Variants in TAFA4 observed in about 807,000 individuals in gnomAD.
TAFA4 encodes TAFA chemokine like family member 4, also known as chemokine-like protein TAFA-4.
Under a neutral mutation model 21.1 loss-of-function variants are expected in TAFA4, and 20 were observed. The ratio of observed to expected loss-of-function variants is 0.95; its 90% CI spans 0.67 to 1.38. The LOEUF (loss-of-function observed/expected upper bound fraction) is 1.38, where lower values mean the gene tolerates loss of function less well. TAFA4 is among the 40% of genes most tolerant of loss of function. The pLI, the probability that TAFA4 is intolerant of heterozygous loss-of-function variation, is 0.00. For missense variants in TAFA4, 211 were observed against 180.9 expected (o/e 1.17, Z -0.95); for synonymous variants, 71 against 67.4 (o/e 1.05, Z -0.26).
chr3:68,918,640 C>T (rs977305411), intron 1 of TAFA4, among the ~76,000 whole-genome samples: 19 of 152,206 alleles, frequency 1.2e-4, no homozygotes, highest in African/African-American at 4.3e-4. Flanking sequence ...TTGGTTCAAG[C>T]AATCCCCCCA....
At chr3:68,856,111 C>T (rs920631197) in intron 3 of TAFA4, among the ~76,000 whole-genome samples, 2 of 152,036 alleles carry the variant, frequency 1.3e-5, no homozygotes, top group African/African-American at 4.8e-5. Flanking sequence ...CACCCAGACT[C>T]CGTGGTGTAA....
intron 3 of TAFA4, among the ~76,000 whole-genome samples, chr3:68,798,499 T>TA (rs1240659245): frequency 1.3e-5 from 2 of 152,192 alleles, no homozygotes; most frequent in African/African-American, 4.8e-5. Flanking sequence ...ACTTAATTTT[T>TA]ATAAGAGGGA....
At chr3:68,840,499 G>A (rs1273942096) in intron 3 of TAFA4, among the ~76,000 whole-genome samples, 1 of 152,146 alleles carries the variant, frequency 6.6e-6, no homozygotes, top group Non-Finnish European at 1.5e-5. Context: ...CTGCAGGTGT[G>A]AGCCACAATG....
chr3:68,907,591 C>T lies in TAFA4; in HGVS notation c.-122-22281G>A, dbSNP rs115510409. On this transcript the variant is annotated intron_variant, in intron 1 of 5. Coordinates refer to ENST00000295569, the MANE Select transcript of TAFA4 (RefSeq NM_182522.5). ...CCTCCAGTCTGCATCTGTGTTCCCT[C>T]AAGATAGAGGAGATGCTTTCCATAC... Among the ~76,000 whole-genome samples, 303 of 152,306 alleles carry T rather than the reference C, an allele frequency of 2.0e-3. 1 individual carries two copies. The highest frequency in any genetic ancestry group is 7.0e-3 in the African/African-American group (293 of 41,570).
chr3:68,791,076 C>A (rs1240104308), intron 3 of TAFA4, among the ~76,000 whole-genome samples: 1 of 152,128 alleles, frequency 6.6e-6, no homozygotes, highest in Admixed American at 6.5e-5. Context: ...CCACCTGGTC[C>A]ACAAAAGGGA....
chr3:68,815,406 T>G (rs1703950984), intron 3 of TAFA4, among the ~76,000 whole-genome samples: 1 of 152,072 alleles, frequency 6.6e-6, no homozygotes, highest in Admixed American at 6.5e-5. Flanking sequence ...ATTTTTGCAA[T>G]CTACTCATCT....
chr3:68,815,098 C>A (rs188081587), intron 3 of TAFA4, among the ~76,000 whole-genome samples: 8 of 152,038 alleles, frequency 5.3e-5, no homozygotes, highest in Admixed American at 2.6e-4. Context: ...TGCTGGGAAA[C>A]CTGGCTAGCC....
chr3:68,835,980 C>T (rs555403907), intron 3 of TAFA4, among the ~76,000 whole-genome samples: 34 of 152,080 alleles, frequency 2.2e-4, no homozygotes, highest in Non-Finnish European at 3.7e-4. Flanking sequence ...AAGAACTGTG[C>T]GCAAATTACA....
intron 3 of TAFA4, among the ~76,000 whole-genome samples, chr3:68,871,255 A>G (rs903760907): frequency 5.3e-5 from 8 of 152,142 alleles, no homozygotes; most frequent in Admixed American, 2.6e-4. Context: ...ACACATGCAC[A>G]CGAATGTTTA....
chr3:68,763,108 A>G (rs1575599328), intron 3 of TAFA4, among the ~76,000 whole-genome samples: 1 of 152,316 alleles, frequency 6.6e-6, no homozygotes, highest in East Asian at 1.9e-4. Context: ...ATTAACTGAG[A>G]ATTTGGCAGA....
At chr3:68,790,072 T>G (rs1466032508) in intron 3 of TAFA4, among the ~76,000 whole-genome samples, 1 of 152,190 alleles carries the variant, frequency 6.6e-6, no homozygotes, top group Non-Finnish European at 1.5e-5. Context: ...GTATAACTGT[T>G]GAAAGCAAAA....
intron 3 of TAFA4, among the ~76,000 whole-genome samples, chr3:68,877,162 C>A (rs1022415334): frequency 1.3e-5 from 2 of 152,010 alleles, no homozygotes; most frequent in Non-Finnish European, 2.9e-5. Context: ...AGTTCGAGAC[C>A]AGCCTGGATA....
intron 4 of TAFA4, among the ~76,000 whole-genome samples, chr3:68,741,836 CAAA>C (rs1702361858): frequency 6.6e-6 from 1 of 151,312 alleles, no homozygotes; most frequent in African/African-American, 2.5e-5. Context: ...CTTTCTCTTC[CAAA>C]GAATCGAAGA....
intron 3 of TAFA4, among the ~76,000 whole-genome samples, chr3:68,833,401 G>C (rs879633525): frequency 1.3e-5 from 2 of 152,112 alleles, no homozygotes; most frequent in Admixed American, 6.5e-5. Context: ...TTCAGTGTAC[G>C]TACAGCCAGA....
intron 1 of TAFA4, among the ~76,000 whole-genome samples, chr3:68,893,541 G>A (rs1377156015): frequency 1.3e-5 from 2 of 152,164 alleles, no homozygotes; most frequent in Non-Finnish European, 1.5e-5. Context: ...TTCCTCATCT[G>A]TAAACAAATA....
intron 3 of TAFA4, among the ~76,000 whole-genome samples, chr3:68,755,108 A>G (rs1169644153): frequency 6.6e-6 from 1 of 152,138 alleles, no homozygotes; most frequent in Admixed American, 6.6e-5. Flanking sequence ...GTACATCGAC[A>G]TCTCCGATTC....
At chr3:68,763,776 C>G (rs1417250929) in intron 3 of TAFA4, among the ~76,000 whole-genome samples, 1 of 151,634 alleles carries the variant, frequency 6.6e-6, no homozygotes, top group South Asian at 2.1e-4. Context: ...TTTGAAGGTT[C>G]ATAATATCTC....
intron 3 of TAFA4, among the ~76,000 whole-genome samples, chr3:68,862,195 G>A (rs2089354092): frequency 6.6e-6 from 1 of 151,996 alleles, no homozygotes; most frequent in Admixed American, 6.6e-5. Flanking sequence ...GCTAAAGGCA[G>A]GTAGGCTAAG....
At chr3:68,747,526 C>T (rs1035936548) in intron 4 of TAFA4, among the ~76,000 whole-genome samples, 4 of 152,284 alleles carry the variant, frequency 2.6e-5, no homozygotes, top group Admixed American at 1.3e-4. Context: ...CCTTACACCA[C>T]GATGGTGAGG....
Sources: gnomAD v4.1 joint callset for allele counts (sites outside exome capture counted in the v4.1 genomes callset) on GRCh38, gnomAD v4.1.1 for gene constraint, MANE v1.5 for transcripts, NCBI Gene and HGNC (gene_info 2026-07-23, HGNC 2026-07-21) for gene names.